CNKSR2: variants seen among roughly 807,000 people sequenced by gnomAD.
CNKSR2 encodes the protein connector enhancer of kinase suppressor of Ras 2, also known as CNK homolog protein 2.
In CNKSR2, 14 loss-of-function variants were observed where a neutral mutation model predicts 84.4. That is an observed-to-expected ratio of 0.17 (90% CI 0.11 to 0.26). The LOEUF (loss-of-function observed/expected upper bound fraction) is 0.26. CNKSR2 is among the 10% of genes least tolerant of loss of function. The pLI is 1.00. For synonymous variants in CNKSR2, 275 were observed against 277.9 expected (o/e 0.99, Z 0.10); for missense variants, 485 against 771.2 (o/e 0.63, Z 4.40).
chrX:21,561,665 T>G, intron 12 of CNKSR2, 105 bp downstream of exon 12: 1 of 574,220 alleles, frequency 1.7e-6, no homozygotes, highest in South Asian at 3.1e-5. Flanking sequence ...ACTTATTCTA[T>G]CATTGACTTT....
At chrX:21,548,659 G>A (rs190948527) in intron 11 of CNKSR2, among the ~76,000 whole-genome samples, 4 of 112,001 alleles carry the variant, frequency 3.6e-5, no homozygotes, top group Non-Finnish European at 5.6e-5. Context: ...GAACATCTAT[G>A]TGAAAATCCT....
At chrX:21,496,643 A>T (rs2091503265) in intron 6 of CNKSR2, among the ~76,000 whole-genome samples, 1 of 111,410 alleles carries the variant, frequency 9.0e-6, no homozygotes, top group African/African-American at 3.3e-5. Flanking sequence ...TCTTATTTTC[A>T]GTGAAGACAC....
intron 20 of CNKSR2, among the ~76,000 whole-genome samples, chrX:21,633,416 G>A (rs764351882): frequency 9.8e-5 from 11 of 112,325 alleles, no homozygotes; most frequent in Non-Finnish European, 2.1e-4. Context: ...TAAAGGTGCC[G>A]TAAATTAGTT....
Position 21,374,630 on chromosome X carries a change from A to AGCAGCAGCAGCAGCAGCC in CNKSR2, c.-266_-265insAGCAGCAGCAGCAGCCGC, listed in dbSNP as rs547454548. 2.2e-4 allele frequency: 100 copies of AGCAGCAGCAGCAGCAGCC among 445,299 alleles called. 4 individuals are homozygous for AGCAGCAGCAGCAGCAGCC. Among genetic ancestry groups the AGCAGCAGCAGCAGCAGCC allele is most frequent in the Middle Eastern group, 1.2e-3 (2 of 1,697 alleles). 36.7% of individuals were successfully genotyped at this position (445,299 alleles called of 1,213,427 possible). A position where few individuals can be genotyped will look rare whatever the true frequency, so the allele number is the denominator to read the frequency against. ...CAGCAGCAGCAGCAGCAGCAGCAGCAGCCGCCGCCGCCGCCGCCTTAGCGG... is the reference window on the plus strand; with the variant it reads ...CAGCAGCAGCAGCAGCAGCAGCAGCAGCAGCAGCAGCAGCAGCCGCCGCCGCCGCCGCCGCCTTAGCGG... On this transcript the variant is annotated 5_prime_UTR_variant, in exon 1 of 22. Transcript: ENST00000379510.
At chrX:21,406,359 A>G (rs181884081) in intron 1 of CNKSR2, among the ~76,000 whole-genome samples, 19 of 111,424 alleles carry the variant, frequency 1.7e-4, no homozygotes, top group African/African-American at 5.2e-4. Flanking sequence ...GATGTAGAGG[A>G]TGAGTTTTCA....
rs200215331 is a variant in CNKSR2, at chrX:21,517,724, T to TA, written c.957+1102dup. On this transcript the variant is annotated intron_variant, in intron 9 of 21. Coordinates refer to ENST00000379510, the MANE Select transcript of CNKSR2 (RefSeq NM_014927.5). The stretch of plus-strand genomic sequence containing the variant: ...CTATTACCTTTTCTTAGAAGTTAAT[T>TA]AAAAAAAAATAGGCCCATTGAACTG... 7.6e-3 allele frequency among the ~76,000 whole-genome samples: 832 copies of TA among 109,348 alleles called. 2 individuals carry two copies. Among genetic ancestry groups the TA allele is most frequent in the African/African-American group, 0.025 (761 of 30,239 alleles). The allele number at this position is 109,348 out of a possible 115,157, so 95.0% of individuals were successfully genotyped here.
chrX:21,466,267 A>G, intron 4 of CNKSR2, among the ~76,000 whole-genome samples: 1 of 111,616 alleles, frequency 9.0e-6, no homozygotes. Context: ...ATAGGTTTGT[A>G]AAGTATAGAT....
chrX:21,430,077 A>G (rs754699338), intron 2 of CNKSR2, among the ~76,000 whole-genome samples: 3 of 111,093 alleles, frequency 2.7e-5, no homozygotes, highest in Admixed American at 9.6e-5. Flanking sequence ...ATGTTCATTA[A>G]CTAGAGCAAG....
In CNKSR2 at chrX:21,490,453, T is replaced by G; in HGVS notation, c.562-6T>G. Reference sequence around the variant, plus strand: ...ACCACAACTATTTTTGTTTTTGTGCTTCCAGTGTAAAACTCTTTCTGGAGT... The same window carrying G: ...ACCACAACTATTTTTGTTTTTGTGCGTCCAGTGTAAAACTCTTTCTGGAGT... On this transcript the variant is annotated splice_region_variant and splice_polypyrimidine_tract_variant and intron_variant, in intron 5 of 21. Transcript: ENST00000379510. 1 of 1,198,077 alleles carries G rather than the reference T, an allele frequency of 8.3e-7. No homozygotes were observed.
chrX:21,494,494 T>C (rs1183400406), intron 6 of CNKSR2: 2 of 111,923 alleles, frequency 1.8e-5, no homozygotes, highest in Non-Finnish European at 3.8e-5. Context: ...GAAAGTTAGG[T>C]GCAGAATAGC....
chrX:21,627,219 G>A (rs1027716879), intron 20 of CNKSR2, among the ~76,000 whole-genome samples: 65 of 111,069 alleles, frequency 5.9e-4, no homozygotes, highest in South Asian at 7.8e-4. Context: ...AAGGCCGGGC[G>A]CGGTGGCTCA....
At chrX:21,647,570 A>G (rs2092709613) in intron 20 of CNKSR2, among the ~76,000 whole-genome samples, 1 of 111,941 alleles carries the variant, frequency 8.9e-6, no homozygotes, top group African/African-American at 3.2e-5. Flanking sequence ...GCCCACATGG[A>G]ATTCTAGCTC....
intron 20 of CNKSR2, among the ~76,000 whole-genome samples, chrX:21,631,636 C>T (rs2092648386): frequency 1.8e-5 from 2 of 111,773 alleles, no homozygotes. Flanking sequence ...TTTTAATCAC[C>T]TCTTACAAAT....
chrX:21,415,944 G>A (rs1377343288), intron 1 of CNKSR2, among the ~76,000 whole-genome samples: 1 of 106,067 alleles, frequency 9.4e-6, no homozygotes, highest in Non-Finnish European at 1.9e-5. Context: ...TATTTCTCTT[G>A]CCTGGCTGCT....
chrX:21,528,616 A>G (rs1032645122), intron 10 of CNKSR2, among the ~76,000 whole-genome samples: 3 of 111,174 alleles, frequency 2.7e-5, no homozygotes, highest in African/African-American at 9.8e-5. Flanking sequence ...AAGCTTGAAG[A>G]TGCTATTTAA....
At chrX:21,448,804 G>A (rs1321182513) in intron 4 of CNKSR2, among the ~76,000 whole-genome samples, 1 of 111,719 alleles carries the variant, frequency 9.0e-6, no homozygotes, top group East Asian at 2.8e-4. Context: ...TGAAGAAGTA[G>A]TTTTTAACAT....
At chrX:21,573,938 T>G (rs1431450757) in intron 13 of CNKSR2, among the ~76,000 whole-genome samples, 3 of 111,788 alleles carry the variant, frequency 2.7e-5, no homozygotes, top group African/African-American at 9.8e-5. Context: ...GCTGTAACTT[T>G]TCCAAATTTT....
rs1007259375 is a variant in CNKSR2, at chrX:21,601,609, A to G, written c.2044+260A>G. ...CCTATGAAGAAACAAAATCTTAAAAATGGAAAAAGTCTATAATAGGTCTTA... is the reference window on the plus strand; with the variant it reads ...CCTATGAAGAAACAAAATCTTAAAAGTGGAAAAAGTCTATAATAGGTCTTA... On this transcript the variant is annotated intron_variant, in intron 18 of 21. Transcript: ENST00000379510. 2.4e-4 allele frequency among the ~76,000 whole-genome samples: 27 copies of G among 112,164 alleles called. 1 individual carries two copies. The highest frequency in any genetic ancestry group is 8.7e-4 in the African/African-American group (27 of 30,909).
At position 21,512,963 on chromosome X, in the gene CNKSR2, G is replaced by A. The variant is rs757179743; in HGVS notation, c.811-3522G>A. Reference sequence around the variant, plus strand: ...GAGAAAACAATCTCTTTTTGCTTCAGTTTCTACACACGTAAATTGGGTTTA... The same window carrying A: ...GAGAAAACAATCTCTTTTTGCTTCAATTTCTACACACGTAAATTGGGTTTA... On this transcript the variant is annotated intron_variant, in intron 8 of 21. Coordinates refer to ENST00000379510, the MANE Select transcript of CNKSR2 (RefSeq NM_014927.5). Among the ~76,000 whole-genome samples, 16 of 111,834 alleles carry A rather than the reference G, an allele frequency of 1.4e-4. No homozygotes were observed. The South Asian group carries it at 4.9e-3, about 34-fold the overall frequency.
Sources: allele counts gnomAD v4.1 joint callset (sites outside exome capture counted in the v4.1 genomes callset), GRCh38; gene constraint gnomAD v4.1.1; transcripts MANE v1.5; gene names NCBI Gene and HGNC (gene_info 2026-07-23, HGNC 2026-07-21).